Variants in DENND4C observed in about 807,000 individuals in gnomAD.
DENND4C encodes the protein DENN domain-containing protein 4C.
DENND4C carries 108 observed loss-of-function variants against 203.0 expected under a neutral mutation model. That is an observed-to-expected ratio of 0.53 (90% confidence interval 0.46 to 0.62). The LOEUF (loss-of-function observed/expected upper bound fraction) is 0.62, where lower values mean the gene tolerates loss of function less well. Among genes scored for constraint, DENND4C ranks in the 20% least tolerant of loss-of-function variants. DENND4C has a pLI of 0.00. For synonymous variants in DENND4C, 871 were observed against 792.4 expected, an observed-to-expected ratio of 1.10 and a Z score of -1.67; for missense variants, 2,481 against 2,301.2, an observed-to-expected ratio of 1.08 and a Z score of -1.60.
intron 2 of DENND4C, among the ~76,000 whole-genome samples, chr9:19,278,074 C>CTTTTTTTTT (rs34167347): frequency 2.5e-5 from 3 of 120,286 alleles, no homozygotes; most frequent in Non-Finnish European, 5.3e-5. Flanking sequence ...CCTTTTTTTT[C>CTTTTTTTTT]TTTTTTTTTT....
intron 10 of DENND4C, among the ~76,000 whole-genome samples, chr9:19,307,128 T>C (rs1839839331): frequency 6.6e-6 from 1 of 152,038 alleles, no homozygotes; most frequent in Non-Finnish European, 1.5e-5. Context: ...CCAGGTGTAG[T>C]GTCTCACACC....
In DENND4C at chr9:19,290,686, T is replaced by C. The variant is rs1412994884; in HGVS notation, c.629-18T>C. On this transcript the variant is annotated intron_variant, in intron 4 of 32. Coordinates refer to ENST00000434457, the MANE Select transcript of DENND4C (RefSeq NM_001330640.2). ...AGTAACTATTTAAAAAATTTATTGT[T>C]GTCTCATTCTTCAAAAGGTTTAATT... 7.3e-7 allele frequency: 1 copy of C among 1,373,722 alleles called. No individual in the cohort carries two copies. The highest frequency in any genetic ancestry group is 9.5e-7 in the Non-Finnish European group (1 of 1,053,790). The allele number at this position is 1,373,722 out of a possible 1,614,324, so 85.1% of individuals were successfully genotyped here.
At position 19,346,156 on chromosome 9, in the gene DENND4C, C is replaced by T. The variant is rs1404482087; in HGVS notation, c.3387C>T (p.Leu1129=). The T allele has an allele frequency of 6.2e-7, 1 of 1,614,186 alleles. No homozygotes were observed. The highest frequency in any genetic ancestry group is 2.2e-5 in the East Asian group (1 of 44,884). Residue 1129 remains leucine, a synonymous_variant, in exon 23 of 33, where the codon CTC becomes CTT. Coordinates refer to ENST00000434457, the MANE Select transcript of DENND4C (RefSeq NM_001330640.2). ...TGATGGGAGCAGATGCCAAGATTCTCACAGCAGCATTGACATGTCCTAAGA... is the reference window on the plus strand; with the variant it reads ...TGATGGGAGCAGATGCCAAGATTCTTACAGCAGCATTGACATGTCCTAAGA... The part of the protein sequence containing the change: ...AIMMGADAKI[L]TAALTCPKTS...
chr9:19,359,908 T>A (rs1334088738), intron 28 of DENND4C, among the ~76,000 whole-genome samples: 3 of 152,154 alleles, frequency 2.0e-5, no homozygotes, highest in African/African-American at 7.2e-5. Flanking sequence ...GTCACACAGT[T>A]TTTACACACA....
intron 1 of DENND4C, among the ~76,000 whole-genome samples, chr9:19,265,045 T>G (rs139002752): frequency 2.0e-3 from 304 of 152,310 alleles, no homozygotes; most frequent in African/African-American, 6.8e-3. Flanking sequence ...AGACAAGGTC[T>G]CACTCTGTCA....
At chr9:19,318,752 C>G (rs950531445) in intron 12 of DENND4C, among the ~76,000 whole-genome samples, 1 of 152,204 alleles carries the variant, frequency 6.6e-6, no homozygotes, top group African/African-American at 2.4e-5. Flanking sequence ...CCTCTTCTTA[C>G]AAGGCTACCA....
chr9:19,322,759 G>A (rs1843101181), intron 12 of DENND4C, among the ~76,000 whole-genome samples: 1 of 151,376 alleles, frequency 6.6e-6, no homozygotes, highest in Admixed American at 6.6e-5. Flanking sequence ...AAATAAGGGG[G>A]CCAGTGGATT....
At chr9:19,331,900 C>T in intron 16 of DENND4C, 78 bp from the exon 17 acceptor site, 2 of 1,337,194 alleles carry the variant, frequency 1.5e-6, no homozygotes, top group South Asian at 1.3e-5. Flanking sequence ...TTAAATTCTC[C>T]TCTCCCTTTT....
At chr9:19,314,663 G>A (rs1447168216) in intron 10 of DENND4C, among the ~76,000 whole-genome samples, 2 of 152,048 alleles carry the variant, frequency 1.3e-5, no homozygotes, top group Non-Finnish European at 2.9e-5. Flanking sequence ...AAAACTGCAT[G>A]TGAACTGCAC....
Position 19,236,660 on chromosome 9 carries a change from C to T in DENND4C, c.-18+5827C>T, listed in dbSNP as rs992101891. Among the ~76,000 whole-genome samples the T allele has an allele frequency of 7.2e-5, 11 of 152,140 alleles. No individual in the cohort carries two copies. The East Asian group carries it at 1.7e-3, about 24-fold the overall frequency. ...CCAGAACATCTTGAAGGCACCTAGG[C>T]ATGTATTGAGAACAGCATGGTAGGG... On this transcript the variant is annotated intron_variant, in intron 1 of 32. Transcript: ENST00000434457.
At chr9:19,316,559 T>C in intron 11 of DENND4C, 42 bp downstream of exon 11, 1 of 1,599,700 alleles carries the variant, frequency 6.3e-7, no homozygotes, top group Non-Finnish European at 8.5e-7. Flanking sequence ...AAGGAATGTA[T>C]ACGAGAAAAT....
chr9:19,317,047 G>T (rs1156911633), intron 12 of DENND4C, among the ~76,000 whole-genome samples: 1 of 151,970 alleles, frequency 6.6e-6, no homozygotes, highest in Non-Finnish European at 1.5e-5. Flanking sequence ...TGAAACTAGA[G>T]ATATTTAATT....
intron 12 of DENND4C, among the ~76,000 whole-genome samples, chr9:19,321,609 C>G (rs1427850949): frequency 6.6e-6 from 1 of 151,808 alleles, no homozygotes; most frequent in East Asian, 1.9e-4. Context: ...TTTTGGGAGG[C>G]TGAGGCAGGT....
rs1309082257 is a variant in DENND4C at position 19,374,126 on chromosome 9, G to A, written c.*1953G>A. Among the ~76,000 whole-genome samples the A allele has an allele frequency of 6.6e-6, 1 of 151,910 alleles. No individual in the cohort carries two copies. The stretch of plus-strand genomic sequence containing the variant: ...TTGAGGTTGAATAAAATGAAAAATT[G>A]TTGTTTTCTGTTACATTAAGCCTCT... On this transcript the variant is annotated 3_prime_UTR_variant, in exon 33 of 33. Transcript: ENST00000434457.
intron 19 of DENND4C, 29 bp downstream of exon 19, chr9:19,336,443 C>G: frequency 1.3e-6 from 2 of 1,595,284 alleles, no homozygotes; most frequent in Non-Finnish European, 1.7e-6. Context: ...AATATAATTC[C>G]TTACTGAACC....
At chr9:19,370,345 T>C (rs10117525) in intron 31 of DENND4C, among the ~76,000 whole-genome samples, 19,067 of 151,986 alleles carry the variant, frequency 0.13, 1,476 homozygotes, top group African/African-American at 0.2. Flanking sequence ...CCTCAGCTAC[T>C]TGAGAGGGTA....
intron 12 of DENND4C, among the ~76,000 whole-genome samples, chr9:19,320,223 G>A (rs1842651991): frequency 6.6e-6 from 1 of 150,686 alleles, no homozygotes; most frequent in Middle Eastern, 3.2e-3. Context: ...TTTAAAGACA[G>A]AGTCTTTGCT....
At chr9:19,328,980 C>T (rs183210137) in intron 16 of DENND4C, among the ~76,000 whole-genome samples, 116 of 151,622 alleles carry the variant, frequency 7.7e-4, no homozygotes, top group Non-Finnish European at 9.7e-4. Flanking sequence ...ACCTGGGAGG[C>T]GGAGGTTGTG....
intron 12 of DENND4C, 85 bp from the exon 13 acceptor site, chr9:19,324,274 GTAA>G (rs757766289): frequency 3.1e-6 from 3 of 954,884 alleles, no homozygotes; most frequent in Non-Finnish European, 1.5e-6. Flanking sequence ...TAAAGAGAAT[GTAA>G]TATAGATAAG....
Sources: gnomAD v4.1 joint callset for allele counts (sites outside exome capture counted in the v4.1 genomes callset) on GRCh38, gnomAD v4.1.1 for gene constraint, MANE v1.5 for transcripts, NCBI Gene and HGNC (gene_info 2026-07-23, HGNC 2026-07-21) for gene names.